SPMIP2: variants seen among roughly 807,000 people sequenced by gnomAD.
SPMIP2 encodes the protein sperm microtubule inner protein 2.
chr4:158,994,431 G>A, the SPMIP2 span, among the ~76,000 whole-genome samples: 1 of 152,150 alleles, frequency 6.6e-6, no homozygotes, highest in African/African-American at 2.4e-5. Context: ...TAAGTGTAAG[G>A]TCAGAGGAAG....
the SPMIP2 span, chr4:159,038,745 G>A: frequency 6.6e-6 from 1 of 152,328 alleles, no homozygotes; most frequent in South Asian, 2.1e-4. Context: ...CTAGGATCTA[G>A]ACAAGGGACA....
chr4:159,034,717 C>G, the SPMIP2 span, among the ~76,000 whole-genome samples: 1,020 of 152,200 alleles, frequency 6.7e-3, 8 homozygotes, highest in Middle Eastern at 0.017. Context: ...ATGGTGAAAC[C>G]CTCATCTTTA....
At chr4:158,957,000 C>T in the SPMIP2 span, among the ~76,000 whole-genome samples, 25 of 151,464 alleles carry the variant, frequency 1.7e-4, no homozygotes, top group South Asian at 2.1e-3. Context: ...GGTGTGATCT[C>T]GGCTCACTGC....
chr4:159,037,091 C>A, the SPMIP2 span, among the ~76,000 whole-genome samples: 2 of 152,162 alleles, frequency 1.3e-5, no homozygotes, highest in Non-Finnish European at 2.9e-5. Context: ...TAAATGAGAT[C>A]TTGGCTTTTG....
At chr4:158,945,508 T>C in the SPMIP2 span, among the ~76,000 whole-genome samples, 4 of 152,316 alleles carry the variant, frequency 2.6e-5, no homozygotes, top group East Asian at 7.7e-4. Flanking sequence ...GAAGAGACCA[T>C]TTGGAATACA....
the SPMIP2 span, among the ~76,000 whole-genome samples, chr4:158,975,617 G>A: frequency 2.0e-5 from 3 of 152,110 alleles, no homozygotes; most frequent in Non-Finnish European, 4.4e-5. Flanking sequence ...GTAGATGTGT[G>A]GTGTTATTTC....
chr4:158,966,979 C>T, the SPMIP2 span, among the ~76,000 whole-genome samples: 11 of 152,166 alleles, frequency 7.2e-5, no homozygotes, highest in South Asian at 6.2e-4. Context: ...GTGGCAGCAT[C>T]GCTGGCTACC....
the SPMIP2 span, among the ~76,000 whole-genome samples, chr4:158,896,041 T>C: frequency 6.6e-6 from 1 of 152,210 alleles, no homozygotes; most frequent in East Asian, 1.9e-4. Flanking sequence ...TGTTCCGTTA[T>C]CTGATACTGG....
At chr4:158,905,509 G>A in the SPMIP2 span, 7 of 152,110 alleles carry the variant, frequency 4.6e-5, no homozygotes, top group Non-Finnish European at 8.8e-5. Context: ...AATGAAACCT[G>A]CAGCAGTTCA....
the SPMIP2 span, among the ~76,000 whole-genome samples, chr4:159,027,151 AAC>A: frequency 1.3e-5 from 2 of 152,132 alleles, no homozygotes; most frequent in Non-Finnish European, 2.9e-5. Context: ...TTATGAAAAG[AAC>A]AGTGTTTGAT....
chr4:159,076,534 C>A, the SPMIP2 span, among the ~76,000 whole-genome samples: 5 of 152,014 alleles, frequency 3.3e-5, no homozygotes, highest in African/African-American at 1.2e-4. Flanking sequence ...ATGTTATTTT[C>A]ATTTACAGTT....
At chr4:158,972,207 C>T in the SPMIP2 span, among the ~76,000 whole-genome samples, 5 of 152,120 alleles carry the variant, frequency 3.3e-5, no homozygotes, top group Non-Finnish European at 7.4e-5. Flanking sequence ...ACTAAAAATA[C>T]AAAAATTAGC....
At chr4:158,964,150 C>CACAAAACAAA in the SPMIP2 span, among the ~76,000 whole-genome samples, 1,389 of 79,436 alleles carry the variant, frequency 0.017, 54 homozygotes, top group African/African-American at 0.041. Context: ...GTGAGACTAT[C>CACAAAACAAA]TCAAAACAAA....
the SPMIP2 span, among the ~76,000 whole-genome samples, chr4:158,940,019 ATTAGT>A: frequency 6.6e-6 from 1 of 152,300 alleles, no homozygotes; most frequent in Admixed American, 6.5e-5. Flanking sequence ...AGACTACTGT[ATTAGT>A]TTGTTAGGGC....
the SPMIP2 span, among the ~76,000 whole-genome samples, chr4:158,996,072 C>T: frequency 6.6e-6 from 1 of 152,082 alleles, no homozygotes; most frequent in Non-Finnish European, 1.5e-5. Context: ...GCTTTGGAAC[C>T]TCTTTAGCAT....
the SPMIP2 span, among the ~76,000 whole-genome samples, chr4:158,948,827 C>G: frequency 5.3e-5 from 8 of 152,018 alleles, no homozygotes; most frequent in Non-Finnish European, 1.2e-4. Flanking sequence ...TGGTGTTGAA[C>G]TCCTGGGCTC....
chr4:158,994,794 A>C, the SPMIP2 span, among the ~76,000 whole-genome samples: 1 of 152,218 alleles, frequency 6.6e-6, no homozygotes, highest in Non-Finnish European at 1.5e-5. Flanking sequence ...TGACATGTGC[A>C]CATAGGGGGA....
chr4:159,026,981 T>C, the SPMIP2 span, among the ~76,000 whole-genome samples: 2 of 151,678 alleles, frequency 1.3e-5, no homozygotes, highest in East Asian at 3.8e-4. Context: ...TTCAGGTGCT[T>C]TTCAAAGGGA....
At chr4:159,050,297 C>T in the SPMIP2 span, among the ~76,000 whole-genome samples, 1 of 148,106 alleles carries the variant, frequency 6.8e-6, no homozygotes, top group African/African-American at 2.5e-5. Flanking sequence ...GAGGACAGGC[C>T]TGCTGTATTG....
Sources: allele counts gnomAD v4.1 joint callset (sites outside exome capture counted in the v4.1 genomes callset), GRCh38; gene constraint gnomAD v4.1.1; transcripts MANE v1.5; gene names NCBI Gene and HGNC (gene_info 2026-07-23, HGNC 2026-07-21).